Variants in HPS3 observed in about 807,000 individuals in gnomAD.
HPS3 encodes BLOC-2 complex member HPS3.
Under a neutral mutation model 110.9 loss-of-function variants are expected in HPS3, and 79 were observed. The observed-to-expected ratio is 0.71, with a 90% CI of 0.59 to 0.86. The LOEUF (loss-of-function observed/expected upper bound fraction) is 0.86. Among genes scored for constraint, HPS3 ranks in the 40% least tolerant of loss-of-function variants. The probability of loss-of-function intolerance (pLI) is 0.00; values close to 1 mark genes in which losing one functional copy is unlikely to be tolerated. For missense variants in HPS3, 1,197 were observed against 1,206.2 expected (o/e 0.99, Z 0.11); for synonymous variants, 428 against 451.0 (o/e 0.95, Z 0.65).
intron 1 of HPS3, among the ~76,000 whole-genome samples, chr3:149,136,347 C>T (rs780358222): frequency 3.9e-5 from 6 of 151,986 alleles, no homozygotes; most frequent in Admixed American, 2.0e-4. Flanking sequence ...ACTTGGGCAA[C>T]GGAGCAAGAC....
At chr3:149,156,815 C>T (rs1723486165) in intron 8 of HPS3, among the ~76,000 whole-genome samples, 5 of 151,948 alleles carry the variant, frequency 3.3e-5, no homozygotes, top group South Asian at 2.1e-4. Flanking sequence ...TGAAAGTCTT[C>T]GTTTAGGTGA....
chr3:149,160,564 C>T (rs559081485), intron 11 of HPS3, among the ~76,000 whole-genome samples: 16 of 152,158 alleles, frequency 1.1e-4, no homozygotes, highest in Admixed American at 7.2e-4. Context: ...TCCGAGGGGA[C>T]GATGTGATCT....
At chr3:149,133,907 CTT>C (rs912861124) in intron 1 of HPS3, among the ~76,000 whole-genome samples, 66 of 151,692 alleles carry the variant, frequency 4.4e-4, no homozygotes, top group Admixed American at 3.9e-3. Context: ...TTATGTGACT[CTT>C]TTTATTGCAT....
rs770812638 is a variant in HPS3 at position 149,167,183 on chromosome 3, G to T, written c.2739G>T (p.Glu913Asp). The change falls in exon 15 of 17, where the codon GAG becomes GAT. Residue 913 changes from glutamate (E) to aspartate (D), a missense_variant. Physicochemically the swap from Glu to Asp is conservative, Grantham distance 45 (BLOSUM62 2). Coordinates refer to ENST00000296051, the MANE Select transcript of HPS3 (RefSeq NM_032383.5). ...EYEQCIDILL[E>D]RCPEAVIPYA... ...AACAGTGCATAGACATACTGTTAGAGAGATGCCCGGAGGCAGTCATTCCAT... is the reference window on the plus strand; with the variant it reads ...AACAGTGCATAGACATACTGTTAGATAGATGCCCGGAGGCAGTCATTCCAT... 1.2e-6 allele frequency: 2 copies of T among 1,613,796 alleles called. No homozygotes were observed. The highest frequency in any genetic ancestry group is 2.7e-5 in the African/African-American group (2 of 74,934).
At chr3:149,149,768 A>G (rs981677349) in intron 5 of HPS3, among the ~76,000 whole-genome samples, 8 of 152,234 alleles carry the variant, frequency 5.3e-5, no homozygotes, top group African/African-American at 1.9e-4. Flanking sequence ...ACAGAAATAT[A>G]CATCATTGTG....
At chr3:149,147,556 A>G (rs1484581447) in intron 5 of HPS3, among the ~76,000 whole-genome samples, 1 of 152,208 alleles carries the variant, frequency 6.6e-6, no homozygotes, top group Non-Finnish European at 1.5e-5. Context: ...AAGACTATCC[A>G]TCTTTTTCCC....
At chr3:149,153,418 TAAAC>T (rs1286811843) in intron 6 of HPS3, 72 bp from the exon 7 acceptor site, 3 of 1,289,294 alleles carry the variant, frequency 2.3e-6, no homozygotes, top group African/African-American at 1.5e-5. Flanking sequence ...TTTGATCAAA[TAAAC>T]TGACTGATTT....
rs1559917098 is a variant in HPS3 at position 149,153,618 on chromosome 3, C to T, written c.1370C>T (p.Pro457Leu). 6.2e-7 allele frequency: 1 copy of T among 1,614,188 alleles called. No homozygotes were observed. Among genetic ancestry groups the T allele is most frequent in the African/African-American group, 1.3e-5 (1 of 75,054 alleles). The change falls in exon 7 of 17, where the codon CCA becomes CTA. Residue 457 changes from proline (P) to leucine (L), a missense_variant. Pro to Leu is a moderately conservative substitution (Grantham distance 98). Coordinates refer to ENST00000296051, the MANE Select transcript of HPS3 (RefSeq NM_032383.5). The stretch of plus-strand genomic sequence containing the variant: ...ACTAAAGCAGAACCTGAAGCCATTC[C>T]AGAGAGAAGACAGTCACCCAAGAGG... ...LLTKAEPEAI[P>L]ERRQSPKRLL...
rs115191728 is a variant in HPS3 at position 149,152,575 on chromosome 3, G to A, written c.1246-919G>A. On this transcript the variant is annotated intron_variant, in intron 6 of 16. Coordinates refer to ENST00000296051, the MANE Select transcript of HPS3 (RefSeq NM_032383.5). The stretch of plus-strand genomic sequence containing the variant: ...CTAGGTGCCAGTTAAACAAGCACAC[G>A]TTTAGCCCACCTGCTGACTCAGGCT... 1.4e-3 allele frequency among the ~76,000 whole-genome samples: 208 copies of A among 152,268 alleles called. 2 individuals are homozygous for A. The highest frequency in any genetic ancestry group is 4.5e-3 in the African/African-American group (187 of 41,556).
chr3:149,143,340 T>G (rs1050260452), intron 4 of HPS3, among the ~76,000 whole-genome samples: 3 of 152,210 alleles, frequency 2.0e-5, no homozygotes, highest in African/African-American at 7.2e-5. Context: ...CTCAGCCTTG[T>G]GTGACTGGTG....
intron 7 of HPS3, 104 bp from the exon 8 acceptor site, chr3:149,155,003 A>G (rs1158314152): frequency 4.1e-6 from 3 of 732,678 alleles, no homozygotes; most frequent in East Asian, 2.7e-5. Flanking sequence ...AAAATAGTAA[A>G]TGAAAATGAT....
chr3:149,158,797 T>C lies in HPS3; in HGVS notation c.1823T>C (p.Phe608Ser), dbSNP rs766616358. The C allele has an allele frequency of 7.5e-6, 12 of 1,605,994 alleles. No individual in the cohort carries two copies. The Admixed American group carries it at 2.0e-4, about 27-fold the overall frequency. Residue 608 changes from phenylalanine to serine, a missense_variant, in exon 10 of 17, where the codon TTT becomes TCT. By Grantham distance (155) the Phe-to-Ser change is radical (BLOSUM62 -2). Transcript: ENST00000296051. ...GLQKYERGLI[F>S]YINHSLYENL... ...CAGAAATACGAGAGAGGATTAATCT[T>C]TTACATTAATCATTCACTTTATGAA...
At chr3:149,140,655 C>T (rs1338940650) in intron 2 of HPS3, among the ~76,000 whole-genome samples, 157 bp downstream of exon 2, 1 of 151,998 alleles carries the variant, frequency 6.6e-6, no homozygotes, top group Non-Finnish European at 1.5e-5. Flanking sequence ...ATCTGGCTGT[C>T]CATAGCTTAC....
intron 4 of HPS3, among the ~76,000 whole-genome samples, chr3:149,144,036 C>T (rs1218450110): frequency 6.6e-6 from 1 of 152,136 alleles, no homozygotes; most frequent in East Asian, 1.9e-4. Context: ...CAACATATGT[C>T]TCTAAAAGTA....
chr3:149,149,668 G>A (rs772737730), intron 5 of HPS3, among the ~76,000 whole-genome samples: 40 of 151,654 alleles, frequency 2.6e-4, no homozygotes, highest in Non-Finnish European at 4.4e-5. Context: ...TAAAGAGTTC[G>A]TTTTTACTTC....
chr3:149,164,997 A>G (rs1219019165), intron 14 of HPS3, among the ~76,000 whole-genome samples: 1 of 152,194 alleles, frequency 6.6e-6, no homozygotes, highest in African/African-American at 2.4e-5. Context: ...TGAAGAGGCC[A>G]TATTGCTTAG....
In HPS3 at chr3:149,160,100, C is replaced by T. The variant is rs1723695850; in HGVS notation, c.1927C>T (p.Pro643Ser). ...TTATGTGGCTGAGCCAAAGCAAGTG[C>T]CCCATATTCTCTGTAGTCCTTCTAT... ...MFYVAEPKQV[P>S]HILCSPSMKN... The change falls in exon 11 of 17, where the codon CCC (proline) becomes TCC (serine). Residue 643 changes from proline (P) to serine (S), a missense_variant. By Grantham distance (74) the Pro-to-Ser change is moderately conservative. Transcript: ENST00000296051. The T allele has an allele frequency of 6.2e-7, 1 of 1,613,896 alleles. No homozygotes were observed. Among genetic ancestry groups the T allele is most frequent in the Non-Finnish European group, 8.5e-7 (1 of 1,179,852 alleles).
In HPS3 at chr3:149,173,726, G is replaced by A. The variant is rs1223476535; in HGVS notation, c.*1504G>A. 5 of 1,436,476 alleles carry A rather than the reference G, an allele frequency of 3.5e-6. No homozygotes were observed. The Admixed American group carries it at 5.6e-5, about 16-fold the overall frequency. The allele number at this position is 1,436,476 out of a possible 1,614,324, so 89.0% of individuals were successfully genotyped here. A position where few individuals can be genotyped will look rare whatever the true frequency, so the allele number is the denominator to read the frequency against. On this transcript the variant is annotated 3_prime_UTR_variant, in exon 17 of 17. Transcript: ENST00000296051. ...CAATTTATTTCATTCAGCCAGATTT[G>A]GTGTCTATAGAAAAAGAAATTTTAA...
intron 1 of HPS3, among the ~76,000 whole-genome samples, chr3:149,135,546 G>T (rs1722034183): frequency 2.0e-5 from 3 of 152,172 alleles, no homozygotes; most frequent in African/African-American, 7.2e-5. Flanking sequence ...TAAGTTTTCT[G>T]AGGTCCCCCC....
Sources: allele counts gnomAD v4.1 joint callset (sites outside exome capture counted in the v4.1 genomes callset), GRCh38; gene constraint gnomAD v4.1.1; transcripts MANE v1.5; gene names NCBI Gene and HGNC (gene_info 2026-07-23, HGNC 2026-07-21).